DLC1: variants seen among roughly 807,000 people sequenced by gnomAD.
DLC1 encodes the protein rho GTPase-activating protein 7.
In DLC1, 54 loss-of-function variants were observed where a neutral mutation model predicts 140.3. The ratio of observed to expected loss-of-function variants is 0.38; its 90% confidence interval spans 0.31 to 0.48. DLC1 has a LOEUF of 0.48. DLC1 is among the 20% of genes least tolerant of loss of function. The pLI is 0.96. For missense variants in DLC1, 2,536 were observed against 1,907.0 expected (o/e 1.33, Z -6.14); for synonymous variants, 986 against 728.1 (o/e 1.35, Z -5.70).
intron 2 of DLC1, among the ~76,000 whole-genome samples, chr8:13,424,097 A>C (rs1563334821): frequency 1.3e-5 from 2 of 152,350 alleles, no homozygotes; most frequent in East Asian, 3.8e-4. Flanking sequence ...TATTGAAAAC[A>C]AAAACACAGC....
chr8:13,141,384 A>C (rs1037565258), intron 5 of DLC1, among the ~76,000 whole-genome samples: 2 of 151,854 alleles, frequency 1.3e-5, no homozygotes, highest in African/African-American at 4.8e-5. Context: ...ATGTGTGCAG[A>C]TATATATCCA....
chr8:13,210,567 C>G (rs1007845926), intron 5 of DLC1, among the ~76,000 whole-genome samples: 3 of 152,110 alleles, frequency 2.0e-5, no homozygotes, highest in African/African-American at 4.8e-5. Context: ...TTTCAAAAAC[C>G]TTTTTATTGA....
chr8:13,579,362 T>TATTATA (rs1491321757), intron 1 of DLC1, among the ~76,000 whole-genome samples: 1 of 26,934 alleles, frequency 3.7e-5, no homozygotes, highest in African/African-American at 2.0e-4. Flanking sequence ...TATATATATA[T>TATTATA]TTTTATATAA....
rs189427906 is a variant in DLC1 at position 13,124,989 on chromosome 8, T to C, written c.1349-9332A>G. 1.3e-3 allele frequency among the ~76,000 whole-genome samples: 195 copies of C among 152,238 alleles called. 1 individual carries two copies. The highest frequency in any genetic ancestry group is 4.2e-3 in the African/African-American group (176 of 41,554). On this transcript the variant is annotated intron_variant, in intron 5 of 17. Coordinates refer to ENST00000276297, the MANE Select transcript of DLC1 (RefSeq NM_182643.3). ...AATTTGCCTTTCTTTTTTCCTTTTT[T>C]TTTTTGAGACAGAGTCTCACTGTGT...
chr8:13,511,355 C>T (rs570023044), intron 1 of DLC1, among the ~76,000 whole-genome samples: 21 of 151,316 alleles, frequency 1.4e-4, no homozygotes, highest in African/African-American at 5.1e-4. Context: ...ACTGTTTAAT[C>T]TTTTAAAGTT....
At chr8:13,558,733 T>C (rs1375698966) in intron 1 of DLC1, 1 of 152,158 alleles carries the variant, frequency 6.6e-6, no homozygotes, top group African/African-American at 2.4e-5. Context: ...GATTACACAG[T>C]GTAATTAATT....
intron 5 of DLC1, among the ~76,000 whole-genome samples, chr8:13,265,079 A>G (rs185773817): frequency 6.6e-6 from 1 of 152,360 alleles, no homozygotes; most frequent in African/African-American, 2.4e-5. Flanking sequence ...TTTTTCCTAT[A>G]GTAATAAAAG....
chr8:13,100,084 G>T lies in DLC1; in HGVS notation c.2253C>A (p.Ser751Arg). 1 of 1,613,640 alleles carries T rather than the reference G, an allele frequency of 6.2e-7. No homozygotes were observed. Among genetic ancestry groups the T allele is most frequent in the Non-Finnish European group, 8.5e-7 (1 of 1,180,044 alleles). Residue 751 changes from serine to arginine, a missense_variant, in exon 9 of 18, where the codon AGC (serine) becomes AGA (arginine). Ser to Arg is a moderately radical substitution (Grantham distance 110). Transcript: ENST00000276297. ...SSSSSQSETSSAVSTPSPVTR... is the reference protein window; with the variant it reads ...SSSSSQSETSRAVSTPSPVTR... ...TAACAGGGCTGGGCGTGCTGACCGC[G>T]CTGCTGGTCTCCGACTGGCTGCTGC...
intron 4 of DLC1, among the ~76,000 whole-genome samples, chr8:13,336,779 T>C (rs576367474): frequency 6.6e-6 from 1 of 152,314 alleles, no homozygotes; most frequent in African/African-American, 2.4e-5. Flanking sequence ...ATAATGTACA[T>C]AATATATTAA....
chr8:13,276,581 C>A lies in DLC1; in HGVS notation c.1348+28688G>T, dbSNP rs1030356453. The A allele has an allele frequency of 1.7e-5, 22 of 1,261,580 alleles. 1 individual carries two copies. The highest frequency in any genetic ancestry group is 3.0e-5 in the South Asian group (1 of 33,118). The allele number at this position is 1,261,580 out of a possible 1,614,324, so 78.1% of individuals were successfully genotyped here. On this transcript the variant is annotated intron_variant, in intron 5 of 17. Coordinates refer to ENST00000276297, the MANE Select transcript of DLC1 (RefSeq NM_182643.3). ...CTCCTGGCCCGCGGCCAAGCGCGCG[C>A]GGCGGCCACATCTGGAAAGACTTAC...
intron 4 of DLC1, among the ~76,000 whole-genome samples, chr8:13,390,076 T>C (rs1836682925): frequency 6.6e-6 from 1 of 152,184 alleles, no homozygotes; most frequent in Non-Finnish European, 1.5e-5. Flanking sequence ...AGAAAGTATC[T>C]GTTTAATCTC....
chr8:13,597,605 G>T (rs1805726303), intron 1 of DLC1, among the ~76,000 whole-genome samples: 2 of 152,014 alleles, frequency 1.3e-5, no homozygotes, highest in Non-Finnish European at 2.9e-5. Context: ...ATTGTAATGT[G>T]TGTGTATATA....
At position 13,499,657 on chromosome 8, in the gene DLC1, G is replaced by C; in HGVS notation, c.415C>G (p.His139Asp). ...NTQGQKTSGQ[H>D]MIQGAGSLEK... ...AAGGAGCCTGCTCCTTGGATCATAT[G>C]TTGGCCTGATGTTTTCTGCCCTTGG... Residue 139 changes from histidine to aspartate, a missense_variant, in exon 2 of 18, where the codon CAT (histidine) becomes GAT (aspartate). By Grantham distance (81) the His-to-Asp change is moderately conservative (BLOSUM62 -1). Coordinates refer to ENST00000276297, the MANE Select transcript of DLC1 (RefSeq NM_182643.3). 20 of 1,614,158 alleles carry C rather than the reference G, an allele frequency of 1.2e-5. No individual in the cohort carries two copies. The highest frequency in any genetic ancestry group is 1.7e-5 in the Non-Finnish European group (20 of 1,180,018).
intron 5 of DLC1, among the ~76,000 whole-genome samples, chr8:13,213,270 G>A (rs1828030657): frequency 6.6e-6 from 1 of 152,188 alleles, no homozygotes; most frequent in South Asian, 2.1e-4. Context: ...TGGGCCCACT[G>A]TATAGAGGTG....
chr8:13,444,324 A>G (rs961752110), intron 2 of DLC1, among the ~76,000 whole-genome samples: 4 of 152,168 alleles, frequency 2.6e-5, no homozygotes, highest in African/African-American at 9.7e-5. Context: ...GGGGAGGGAT[A>G]GCATTAGGAG....
At chr8:13,117,955 G>A (rs891274345) in intron 5 of DLC1, among the ~76,000 whole-genome samples, 5 of 150,184 alleles carry the variant, frequency 3.3e-5, no homozygotes, top group Non-Finnish European at 7.4e-5. Flanking sequence ...AAGGTCCCAT[G>A]TGATTTCAGC....
rs115431629 is a variant in DLC1 at position 13,537,015 on chromosome 8, C to A, written c.-125-36819G>T. Among the ~76,000 whole-genome samples, 563 of 152,116 alleles carry A rather than the reference C, an allele frequency of 3.7e-3. 4 individuals are homozygous for A. The highest frequency in any genetic ancestry group is 0.013 in the African/African-American group (541 of 41,486). On this transcript the variant is annotated intron_variant, in intron 1 of 1. Coordinates refer to the DLC1 transcript ENST00000631382. ...TATTTCTTGTTAAGTAGCCAATATA[C>A]TGTTTAGGATCTATAAAAACTGGGA...
In DLC1 at chr8:13,499,091, G is replaced by T. The variant is rs1381739674; in HGVS notation, c.981C>A (p.Thr327=). ...TGACTTGGTTATCTGTGGGTTCCTG[G>T]GTGGCCAGGGTCTCCTTTAATTGTA... ...QCLQLKETLA[T]QEPTDNQVRL... Residue 327 remains threonine, a synonymous_variant, in exon 2 of 18, where the codon ACC becomes ACA. Transcript: ENST00000276297. 1 of 1,613,616 alleles carries T rather than the reference G, an allele frequency of 6.2e-7. No homozygotes were observed. The highest frequency in any genetic ancestry group is 8.5e-7 in the Non-Finnish European group (1 of 1,179,870).
rs118052464 is a variant in DLC1, at chr8:13,476,383, A to G, written c.1023+22666T>C. Among the ~76,000 whole-genome samples, 332 of 152,338 alleles carry G rather than the reference A, an allele frequency of 2.2e-3. 1 individual carries two copies. The highest frequency in any genetic ancestry group is 4.1e-3 in the Non-Finnish European group (277 of 68,038). Reference sequence around the variant, plus strand: ...AAGCAAGTGTATTTCAGTAATTCGAACATAATTTTCTTATGCCCTTAAGAA... The same window carrying G: ...AAGCAAGTGTATTTCAGTAATTCGAGCATAATTTTCTTATGCCCTTAAGAA... On this transcript the variant is annotated intron_variant, in intron 2 of 17. Transcript: ENST00000276297.
Sources: allele counts gnomAD v4.1 joint callset (sites outside exome capture counted in the v4.1 genomes callset), GRCh38; gene constraint gnomAD v4.1.1; transcripts MANE v1.5; gene names NCBI Gene and HGNC (gene_info 2026-07-23, HGNC 2026-07-21).